The following SNX3 variants were observed in gnomAD, a reference collection of about 807,000 sequenced individuals.
SNX3 encodes sorting nexin 3.
SNX3 carries 5 observed loss-of-function variants against 17.7 expected under a neutral mutation model. The ratio of observed to expected loss-of-function variants is 0.28; its 90% CI spans 0.15 to 0.59. The LOEUF is 0.59. SNX3 is among the 20% of genes least tolerant of loss of function. The probability of loss-of-function intolerance (pLI) is 0.88; values close to 1 mark genes in which losing one functional copy is unlikely to be tolerated. For synonymous variants in SNX3, 91 were observed against 76.5 expected (o/e 1.19, Z -0.99); for missense variants, 132 against 206.8 (o/e 0.64, Z 2.22).
chr6:108,253,917 A>G (rs983979689), intron 1 of SNX3, among the ~76,000 whole-genome samples: 1 of 152,084 alleles, frequency 6.6e-6, no homozygotes, highest in African/African-American at 2.4e-5. Context: ...CGAGGTCAGG[A>G]GATGGAGACC....
chr6:108,245,760 G>A (rs1241033538), intron 1 of SNX3, among the ~76,000 whole-genome samples: 1 of 152,202 alleles, frequency 6.6e-6, no homozygotes, highest in Admixed American at 6.5e-5. Context: ...CTTTTGAGAA[G>A]TGTCTGTTCA....
chr6:108,225,395 AAGACCAGCCTGGGCAAG>A (rs956915661), intron 1 of SNX3, among the ~76,000 whole-genome samples: 311 of 152,070 alleles, frequency 2.0e-3, no homozygotes, highest in African/African-American at 7.0e-3. Context: ...TCAGGAGTTC[AAGACCAGCCTGGGCAAG>A]AGACCAGCCT....
intron 2 of SNX3, among the ~76,000 whole-genome samples, chr6:108,221,409 C>T (rs1399042001): frequency 1.3e-5 from 2 of 151,676 alleles, no homozygotes; most frequent in Non-Finnish European, 2.9e-5. Context: ...TTAATTTGTT[C>T]ATAGCTCTAC....
rs1774419272 is a variant in SNX3, at chr6:108,211,963, A to AG, written c.*185dup. ...CTATTTATATAGAAAGGCTGGAATG[A>AG]GGGATTTTTACTAAAGCAAATTAAC... is the stretch of plus-strand genomic sequence containing the variant. On this transcript the variant is annotated 3_prime_UTR_variant, in exon 4 of 4. Transcript: ENST00000230085. 2.0e-6 allele frequency: 1 copy of AG among 506,818 alleles called. No homozygotes were observed. The highest frequency in any genetic ancestry group is 2.0e-5 in the African/African-American group (1 of 50,210). 31.4% of individuals were successfully genotyped at this position (506,818 alleles called of 1,614,324 possible). A position where few individuals can be genotyped will look rare whatever the true frequency, so the allele number is the denominator to read the frequency against.
intron 1 of SNX3, among the ~76,000 whole-genome samples, chr6:108,254,628 T>A (rs1307067675): frequency 6.6e-6 from 1 of 152,206 alleles, no homozygotes; most frequent in Non-Finnish European, 1.5e-5. Flanking sequence ...AGGGTGATTA[T>A]GACAGTCCCT....
chr6:108,221,653 C>T (rs1774778398), intron 2 of SNX3, among the ~76,000 whole-genome samples: 1 of 142,496 alleles, frequency 7.0e-6, no homozygotes, highest in African/African-American at 2.6e-5. Flanking sequence ...TCAAAGTGAT[C>T]CTCTTGCCTC....
intron 1 of SNX3, among the ~76,000 whole-genome samples, chr6:108,257,971 TAAAAATAAAAATAAAA>T (rs1191516408): frequency 6.6e-6 from 1 of 151,260 alleles, no homozygotes; most frequent in Non-Finnish European, 1.5e-5. Flanking sequence ...TCAAAAAGAA[TAAAAATAAAAATAAAA>T]AAAGAAAGAA....
intron 1 of SNX3, among the ~76,000 whole-genome samples, chr6:108,239,003 C>T (rs1475413186): frequency 2.0e-5 from 3 of 151,804 alleles, no homozygotes; most frequent in African/African-American, 4.8e-5. Context: ...TAGGTTCAAG[C>T]GATTTTCCTA....
chr6:108,237,523 C>T (rs1253628554), intron 1 of SNX3, among the ~76,000 whole-genome samples: 1 of 152,066 alleles, frequency 6.6e-6, no homozygotes, highest in Non-Finnish European at 1.5e-5. Flanking sequence ...CGGTGGCTCA[C>T]GCCTGTAATC....
intron 1 of SNX3, among the ~76,000 whole-genome samples, chr6:108,258,288 T>C (rs138484610): frequency 0.013 from 1,991 of 151,564 alleles, 22 homozygotes; most frequent in Non-Finnish European, 0.02. Flanking sequence ...TGAAATCCCA[T>C]CTCTACTAAA....
chr6:108,215,075 C>T (rs1053882971), intron 2 of SNX3, among the ~76,000 whole-genome samples: 27 of 152,206 alleles, frequency 1.8e-4, no homozygotes, highest in Non-Finnish European at 1.5e-5. Flanking sequence ...TTCAGCCGGG[C>T]GTGGTGGCTC....
In SNX3 at chr6:108,244,153, CTTTT is replaced by C. The variant is rs1275495010; in HGVS notation, c.162+16603_162+16606del. On this transcript the variant is annotated intron_variant, in intron 1 of 3. Coordinates refer to ENST00000230085, the MANE Select transcript of SNX3 (RefSeq NM_003795.6). ...AACTGCCCTCTCCAGTTCTCCCCCG[CTTTT>C]TTTTTCTTCTTTATGAGATGGTGGG... 2.0e-5 allele frequency among the ~76,000 whole-genome samples: 3 copies of C among 151,182 alleles called. No individual in the cohort carries two copies. In the East Asian group the frequency reaches 5.8e-4, roughly 29 times the overall value.
At chr6:108,245,154 C>T (rs1476680616) in intron 1 of SNX3, among the ~76,000 whole-genome samples, 1 of 152,034 alleles carries the variant, frequency 6.6e-6, no homozygotes, top group Non-Finnish European at 1.5e-5. Context: ...TGTTCCCCTC[C>T]CTGTGTCCAT....
At chr6:108,253,090 T>C (rs977497015) in intron 1 of SNX3, among the ~76,000 whole-genome samples, 1 of 152,198 alleles carries the variant, frequency 6.6e-6, no homozygotes, top group African/African-American at 2.4e-5. Context: ...AATAACAGTC[T>C]ACTACTTTCT....
At chr6:108,237,188 T>C (rs1775373150) in intron 1 of SNX3, among the ~76,000 whole-genome samples, 1 of 152,202 alleles carries the variant, frequency 6.6e-6, no homozygotes, top group Non-Finnish European at 1.5e-5. Flanking sequence ...GTATAATAAG[T>C]GGTTGAGGTA....
chr6:108,221,224 T>TGA (rs1227024866), intron 2 of SNX3, among the ~76,000 whole-genome samples: 1 of 152,048 alleles, frequency 6.6e-6, no homozygotes, highest in Non-Finnish European at 1.5e-5. Flanking sequence ...GTGCTCTATA[T>TGA]GAGAGTGGCT....
rs750300561 is a variant in SNX3 at position 108,260,765 on chromosome 6, C to G, written c.157G>C (p.Val53Leu). ...GAGGGGAGAGACGGCCTCACCTTGA[C>G]CCTGATTTCGTAAGTGGTGAAGCGG... Reference protein sequence around the residue: ...RGRFTTYEIRVKTNLPIFKLK... With the variant: ...RGRFTTYEIRLKTNLPIFKLK... The change falls in exon 1 of 4, where the codon GTC (valine) becomes CTC (leucine). Residue 53 changes from valine (V) to leucine (L), a missense_variant. Coordinates refer to ENST00000230085, the MANE Select transcript of SNX3 (RefSeq NM_003795.6). 5 of 1,613,740 alleles carry G rather than the reference C, an allele frequency of 3.1e-6. No individual in the cohort carries two copies. Among genetic ancestry groups the G allele is most frequent in the South Asian group, 1.1e-5 (1 of 91,078 alleles).
At chr6:108,220,630 T>A (rs913790894) in intron 2 of SNX3, among the ~76,000 whole-genome samples, 2 of 152,190 alleles carry the variant, frequency 1.3e-5, no homozygotes, top group East Asian at 3.8e-4. Context: ...GAATGTATTC[T>A]CATCATTAAG....
At chr6:108,214,468 C>T (rs1159166617) in intron 3 of SNX3, 30 bp downstream of exon 3, 1 of 1,608,426 alleles carries the variant, frequency 6.2e-7, no homozygotes, top group Non-Finnish European at 8.5e-7. Flanking sequence ...TTAAAGTAGT[C>T]CTACACTTTG....
Sources: allele counts gnomAD v4.1 joint callset (sites outside exome capture counted in the v4.1 genomes callset), GRCh38; gene constraint gnomAD v4.1.1; transcripts MANE v1.5; gene names NCBI Gene and HGNC (gene_info 2026-07-23, HGNC 2026-07-21).